CHRM2: variants seen among roughly 807,000 people sequenced by gnomAD.
CHRM2 encodes the protein muscarinic acetylcholine receptor M2.
Under a neutral mutation model 25.0 loss-of-function variants are expected in CHRM2, and 8 were observed. That is an observed-to-expected ratio of 0.32 (90% CI 0.19 to 0.58). The LOEUF (loss-of-function observed/expected upper bound fraction) is 0.58. Ranked by LOEUF, CHRM2 falls within the 20% of genes least tolerant of loss-of-function variation. The pLI, the probability that CHRM2 is intolerant of heterozygous loss-of-function variation, is 0.88. For synonymous variants in CHRM2, 202 were observed against 205.7 expected (o/e 0.98, Z 0.15); for missense variants, 440 against 567.1 (o/e 0.78, Z 2.28).
chr7:136,991,032 T>A (rs899647111), intron 2 of CHRM2, among the ~76,000 whole-genome samples: 5 of 152,202 alleles, frequency 3.3e-5, no homozygotes, highest in Non-Finnish European at 5.9e-5. Context: ...TGGTGAGTTA[T>A]CCATTAAGAT....
intron 2 of CHRM2, among the ~76,000 whole-genome samples, chr7:136,890,973 C>T (rs1388425738): frequency 6.6e-6 from 1 of 152,130 alleles, no homozygotes; most frequent in Non-Finnish European, 1.5e-5. Context: ...CTTTCTTTCT[C>T]ACCTTATAAA....
At chr7:136,871,949 T>C (rs1795857555) in intron 2 of CHRM2, 2 of 152,210 alleles carry the variant, frequency 1.3e-5, no homozygotes, top group South Asian at 2.1e-4. Flanking sequence ...AGCAATACAA[T>C]GGATAAGCAA....
intron 2 of CHRM2, among the ~76,000 whole-genome samples, chr7:136,941,970 C>A (rs993262471): frequency 1.3e-5 from 2 of 152,046 alleles, no homozygotes; most frequent in Non-Finnish European, 2.9e-5. Context: ...GTTTCCTAGG[C>A]CTCAACAGGA....
intron 3 of CHRM2, among the ~76,000 whole-genome samples, chr7:137,004,957 A>T (rs1804323515): frequency 6.6e-6 from 1 of 152,102 alleles, no homozygotes; most frequent in South Asian, 2.1e-4. Flanking sequence ...CAATAAAAAT[A>T]GTTGCTTCCC....
At chr7:136,994,700 C>T (rs1471182272) in intron 3 of CHRM2, among the ~76,000 whole-genome samples, 3 of 150,446 alleles carry the variant, frequency 2.0e-5, no homozygotes, top group South Asian at 2.1e-4. Flanking sequence ...ATTGTCATAA[C>T]GATGAGGTTA....
In CHRM2 at chr7:136,985,339, G is replaced by A. The variant is rs7793231; in HGVS notation, c.-124-6848G>A. Among the ~76,000 whole-genome samples, 709 of 151,666 alleles carry A rather than the reference G, an allele frequency of 4.7e-3. 7 individuals carry two copies. Among genetic ancestry groups the A allele is most frequent in the African/African-American group, 0.016 (657 of 41,352 alleles). ...AGCCTGACCAACATGATGAAACCCC[G>A]TCTCTACTAAAAATACAAAAATTAG... On this transcript the variant is annotated intron_variant, in intron 2 of 3. Transcript: ENST00000680005.
chr7:136,900,105 C>G (rs910538106), intron 2 of CHRM2, among the ~76,000 whole-genome samples: 2 of 151,918 alleles, frequency 1.3e-5, no homozygotes, highest in African/African-American at 4.8e-5. Context: ...GTTTTGTTTG[C>G]ATGAATTAAA....
chr7:136,946,304 T>C (rs945630605), intron 2 of CHRM2, among the ~76,000 whole-genome samples: 1 of 152,186 alleles, frequency 6.6e-6, no homozygotes, highest in Non-Finnish European at 1.5e-5. Context: ...AAAATTATAT[T>C]AAATTATTTG....
At chr7:137,003,941 C>T (rs963352791) in intron 3 of CHRM2, among the ~76,000 whole-genome samples, 2 of 152,086 alleles carry the variant, frequency 1.3e-5, no homozygotes, top group Admixed American at 6.6e-5. Flanking sequence ...TCTCCCCTGC[C>T]GCCTTTGCTT....
chr7:137,005,913 G>A (rs1221657497), intron 3 of CHRM2, among the ~76,000 whole-genome samples: 1 of 152,068 alleles, frequency 6.6e-6, no homozygotes, highest in Non-Finnish European at 1.5e-5. Flanking sequence ...AGTTTCTCAA[G>A]ACGGTAAGAG....
intron 2 of CHRM2, among the ~76,000 whole-genome samples, chr7:136,897,130 CAAA>C (rs371077556): frequency 1.0e-4 from 8 of 76,326 alleles, no homozygotes; most frequent in Admixed American, 1.4e-4. Context: ...GTAGGTTGGC[CAAA>C]AAAAAAAAAA....
intron 2 of CHRM2, among the ~76,000 whole-genome samples, chr7:136,961,001 G>A (rs565407337): frequency 6.6e-6 from 1 of 152,074 alleles, no homozygotes; most frequent in African/African-American, 2.4e-5. Flanking sequence ...GGTGGCAGGT[G>A]CCTGTAACCA....
At chr7:136,948,356 A>G (rs781641043) in intron 2 of CHRM2, among the ~76,000 whole-genome samples, 2 of 152,200 alleles carry the variant, frequency 1.3e-5, no homozygotes, top group Non-Finnish European at 2.9e-5. Context: ...GTAGAATATT[A>G]AAGTTTAAGA....
chr7:136,964,094 G>A lies in CHRM2; in HGVS notation c.-124-28093G>A, dbSNP rs543700364. Among the ~76,000 whole-genome samples, 27 of 152,066 alleles carry A rather than the reference G, an allele frequency of 1.8e-4. 1 individual carries two copies. The Middle Eastern group carries it at 0.014, about 77-fold the overall frequency. On this transcript the variant is annotated intron_variant, in intron 2 of 3. Transcript: ENST00000680005. ...CGGTCCATACAAATTCACCAAAAAG[G>A]TTTCAGCCAAATAATTCTTTCCCAG...
At chr7:136,964,365 T>A (rs1294533156) in intron 2 of CHRM2, among the ~76,000 whole-genome samples, 1 of 152,146 alleles carries the variant, frequency 6.6e-6, no homozygotes, top group East Asian at 1.9e-4. Flanking sequence ...TTGTAGTCAA[T>A]AAAAAATACA....
At chr7:136,930,565 G>C (rs1053709911) in intron 2 of CHRM2, among the ~76,000 whole-genome samples, 2 of 147,940 alleles carry the variant, frequency 1.4e-5, no homozygotes, top group African/African-American at 2.5e-5. Flanking sequence ...TAATTCTGCA[G>C]CTAAAATCAT....
chr7:136,926,547 A>G (rs1332586887), intron 2 of CHRM2, among the ~76,000 whole-genome samples: 1 of 152,220 alleles, frequency 6.6e-6, no homozygotes, highest in Non-Finnish European at 1.5e-5. Flanking sequence ...CTAGGTACTC[A>G]GGTAAATAAG....
intron 3 of CHRM2, among the ~76,000 whole-genome samples, chr7:137,001,197 G>A (rs1396266019): frequency 2.0e-5 from 3 of 151,974 alleles, no homozygotes; most frequent in East Asian, 3.9e-4. Flanking sequence ...CTGTAGTCTA[G>A]CTACTTCCTC....
At chr7:136,982,554 T>C (rs1374591218) in intron 2 of CHRM2, among the ~76,000 whole-genome samples, 1 of 152,216 alleles carries the variant, frequency 6.6e-6, no homozygotes, top group Non-Finnish European at 1.5e-5. Flanking sequence ...CTTTACATTT[T>C]GGTTTGTTTT....
Sources: allele counts gnomAD v4.1 joint callset (sites outside exome capture counted in the v4.1 genomes callset), GRCh38; gene constraint gnomAD v4.1.1; transcripts MANE v1.5; gene names NCBI Gene and HGNC (gene_info 2026-07-23, HGNC 2026-07-21).